The following TMEM150C variants were observed in gnomAD, a reference collection of about 807,000 sequenced individuals.
TMEM150C encodes tentonin 3.
A neutral mutation model predicts 29.9 loss-of-function variants in TMEM150C; 10 were observed. That is an observed-to-expected ratio of 0.33 (90% confidence interval 0.21 to 0.57). The LOEUF is 0.57. Ranked by LOEUF, TMEM150C falls within the 20% of genes least tolerant of loss-of-function variation. TMEM150C has a pLI of 0.88. For missense variants in TMEM150C, 251 were observed against 303.6 expected (o/e 0.83, Z 1.29); for synonymous variants, 101 against 112.5 (o/e 0.90, Z 0.64).
chr4:82,530,098 C>T (rs1397450603), intron 1 of TMEM150C, among the ~76,000 whole-genome samples: 1 of 151,230 alleles, frequency 6.6e-6, no homozygotes, highest in Middle Eastern at 3.2e-3. Flanking sequence ...CTCTCTCTCT[C>T]TCTCTCTAGA....
At chr4:82,556,110 G>A (rs762438289) in intron 1 of TMEM150C, among the ~76,000 whole-genome samples, 3 of 151,798 alleles carry the variant, frequency 2.0e-5, no homozygotes, top group Non-Finnish European at 4.4e-5. Context: ...TTTCTTGGAG[G>A]GGGGATTACA....
intron 1 of TMEM150C, among the ~76,000 whole-genome samples, chr4:82,528,323 C>T (rs1043309288): frequency 6.6e-6 from 1 of 152,150 alleles, no homozygotes; most frequent in African/African-American, 2.4e-5. Context: ...TTGCTGGGCC[C>T]CACCTCTGAA....
rs953752926 is a variant in TMEM150C, at chr4:82,484,661, T to G, written c.*850A>C. 3.9e-5 allele frequency: 6 copies of G among 152,188 alleles called. No homozygotes were observed. The highest frequency in any genetic ancestry group is 1.2e-4 in the African/African-American group (5 of 41,440). 9.4% of individuals were successfully genotyped at this position (152,188 alleles called of 1,614,324 possible). ...TGGTTGAACCCAAAGCAAGCTCAGC[T>G]CTTGCATTTGGTCTACATCTTTGTC... On this transcript the variant is annotated 3_prime_UTR_variant, in exon 8 of 8. Coordinates refer to ENST00000449862, the MANE Select transcript of TMEM150C (RefSeq NM_001080506.3).
At chr4:82,531,245 C>T (rs1293148432) in intron 1 of TMEM150C, among the ~76,000 whole-genome samples, 1 of 152,130 alleles carries the variant, frequency 6.6e-6, no homozygotes, top group Non-Finnish European at 1.5e-5. Context: ...ACTGAGATGC[C>T]TTCGAGACAT....
At chr4:82,511,681 G>A (rs1394543370) in intron 1 of TMEM150C, among the ~76,000 whole-genome samples, 1 of 151,910 alleles carries the variant, frequency 6.6e-6, no homozygotes, top group African/African-American at 2.4e-5. Context: ...TGCCCAGGCT[G>A]GTCCTGAATT....
Position 82,484,838 on chromosome 4 carries a change from T to C in TMEM150C, c.*673A>G, listed in dbSNP as rs2110059053. 1 of 152,590 alleles carries C rather than the reference T, an allele frequency of 6.6e-6. No individual in the cohort carries two copies. The highest frequency in any genetic ancestry group is 2.4e-5 in the African/African-American group (1 of 41,566). The allele number at this position is 152,590 out of a possible 1,614,324, so 9.5% of individuals were successfully genotyped here. A position where few individuals can be genotyped will look rare whatever the true frequency, so the allele number is the denominator to read the frequency against. ...TGATAGACCACGTCCCTACACATATTCACATTTGGAAATCATTCTCAGTCA... is the reference window on the plus strand; with the variant it reads ...TGATAGACCACGTCCCTACACATATCCACATTTGGAAATCATTCTCAGTCA... On this transcript the variant is annotated 3_prime_UTR_variant, in exon 8 of 8. Coordinates refer to ENST00000449862, the MANE Select transcript of TMEM150C (RefSeq NM_001080506.3).
intron 1 of TMEM150C, among the ~76,000 whole-genome samples, chr4:82,517,583 A>G (rs554570372): frequency 5.1e-4 from 77 of 152,252 alleles, no homozygotes; most frequent in African/African-American, 1.8e-3. Flanking sequence ...CTGCCCTTGG[A>G]CATCAGAACT....
At chr4:82,506,034 G>A (rs1226503987) in intron 1 of TMEM150C, among the ~76,000 whole-genome samples, 3 of 152,118 alleles carry the variant, frequency 2.0e-5, no homozygotes, top group African/African-American at 7.2e-5. Flanking sequence ...CATCTCTAGG[G>A]AGATATCAAT....
chr4:82,546,321 C>A (rs1052883466), intron 1 of TMEM150C, among the ~76,000 whole-genome samples: 1 of 152,170 alleles, frequency 6.6e-6, no homozygotes, highest in Admixed American at 6.5e-5. Flanking sequence ...TATCACATTA[C>A]CCAACTTCAG....
At chr4:82,560,618 C>T (rs560360136) in intron 1 of TMEM150C, among the ~76,000 whole-genome samples, 11 of 152,214 alleles carry the variant, frequency 7.2e-5, no homozygotes, top group East Asian at 1.9e-4. Context: ...ATTCTTTGAT[C>T]GGTCACATAT....
chr4:82,562,195 C>T (rs548421051), upstream of TMEM150C: 2 of 1,284,044 alleles, frequency 1.6e-6, no homozygotes, highest in African/African-American at 1.5e-5. Context: ...GCGGGCGAGC[C>T]GCTTCCTTCC....
intron 6 of TMEM150C, chr4:82,491,758 T>C: frequency 3.0e-6 from 1 of 334,190 alleles, no homozygotes; most frequent in Non-Finnish European, 5.4e-6. Context: ...CGCCTCGGCC[T>C]CCCAAAGTGC....
chr4:82,529,239 TTCCC>T (rs1333139709), intron 1 of TMEM150C, among the ~76,000 whole-genome samples: 36 of 150,914 alleles, frequency 2.4e-4, no homozygotes, highest in Admixed American at 7.9e-4. Context: ...TTTTGTTTCT[TTCCC>T]TCCCTCCCTC....
intron 7 of TMEM150C, 88 bp from the exon 8 acceptor site, chr4:82,485,807 C>G: frequency 8.0e-7 from 1 of 1,254,118 alleles, no homozygotes; most frequent in Admixed American, 2.6e-5. Context: ...TAGGAAAAGT[C>G]TGGCTTTCCT....
rs573736500 is a variant in TMEM150C at position 82,535,222 on chromosome 4, T to C, written c.-11+26684A>G. On this transcript the variant is annotated intron_variant, in intron 1 of 7. Coordinates refer to ENST00000449862, the MANE Select transcript of TMEM150C (RefSeq NM_001080506.3). Reference sequence around the variant, plus strand: ...ATAGTCCTGGAGGCTGGGAAGTCCATGATCAAGGGGTTGCATCTTGTGAGG... The same window carrying C: ...ATAGTCCTGGAGGCTGGGAAGTCCACGATCAAGGGGTTGCATCTTGTGAGG... 2.0e-5 allele frequency among the ~76,000 whole-genome samples: 3 copies of C among 152,310 alleles called. No homozygotes were observed. The South Asian group carries it at 6.2e-4, about 32-fold the overall frequency.
At chr4:82,549,534 T>C (rs1725500753) in intron 1 of TMEM150C, among the ~76,000 whole-genome samples, 1 of 152,196 alleles carries the variant, frequency 6.6e-6, no homozygotes, top group South Asian at 2.1e-4. Flanking sequence ...TTTTGGAGAT[T>C]GGATGTACAG....
chr4:82,562,164 C>G, upstream of TMEM150C: 1 of 1,280,074 alleles, frequency 7.8e-7, no homozygotes, highest in Non-Finnish European at 1.0e-6. Flanking sequence ...AATAGTCACC[C>G]GGGGCAGGAG....
intron 1 of TMEM150C, among the ~76,000 whole-genome samples, chr4:82,551,291 C>A (rs1424216734): frequency 6.6e-6 from 1 of 152,146 alleles, no homozygotes; most frequent in Non-Finnish European, 1.5e-5. Flanking sequence ...ATACACTATA[C>A]TATTTATTTA....
intron 5 of TMEM150C, 68 bp from the exon 6 acceptor site, chr4:82,496,263 CTAT>C (rs1485966864): frequency 7.1e-6 from 10 of 1,417,202 alleles, no homozygotes; most frequent in East Asian, 2.3e-5. Flanking sequence ...AGGCAGAATT[CTAT>C]TATTATTATT....
Sources: allele counts gnomAD v4.1 joint callset (sites outside exome capture counted in the v4.1 genomes callset), GRCh38; gene constraint gnomAD v4.1.1; transcripts MANE v1.5; gene names NCBI Gene and HGNC (gene_info 2026-07-23, HGNC 2026-07-21).